SNX6: variants seen among roughly 807,000 people sequenced by gnomAD.
SNX6 encodes the protein sorting nexin-6.
A neutral mutation model predicts 63.0 loss-of-function variants in SNX6; 34 were observed. The ratio of observed to expected loss-of-function variants is 0.54; its 90% CI spans 0.41 to 0.72. The LOEUF (loss-of-function observed/expected upper bound fraction) is 0.72, where lower values mean the gene tolerates loss of function less well. SNX6 is among the 30% of genes least tolerant of loss of function. The probability of loss-of-function intolerance (pLI) is 0.00; values close to 1 mark genes in which losing one functional copy is unlikely to be tolerated. For synonymous variants in SNX6, 170 were observed against 164.2 expected, an observed-to-expected ratio of 1.04 and a Z score of -0.27; for missense variants, 398 against 471.4, an observed-to-expected ratio of 0.84 and a Z score of 1.44.
At chr14:34,629,775 G>A in intron 2 of SNX6, 132 bp downstream of exon 2, 6 of 1,382,162 alleles carry the variant, frequency 4.3e-6, no homozygotes, top group Middle Eastern at 5.0e-4. Context: ...GCGGTGCAGC[G>A]AGGAAACCGA....
At position 34,628,453 on chromosome 14, in the gene SNX6, C is replaced by T. The variant is rs190381421; in HGVS notation, c.54+1454G>A. Among the ~76,000 whole-genome samples the T allele has an allele frequency of 2.3e-4, 35 of 152,050 alleles. 1 individual carries two copies. The highest frequency in any genetic ancestry group is 2.0e-3 in the Admixed American group (31 of 15,232). On this transcript the variant is annotated intron_variant, in intron 2 of 13. Coordinates refer to ENST00000362031, the MANE Select transcript of SNX6 (RefSeq NM_152233.4). ...CAGTCTGGGTGACAGAGCAAGACTC[C>T]GTCTCAAAAAGCCAACAAACAAAAA...
chr14:34,630,145 G>A lies in SNX6; in HGVS notation c.-29C>T. 2 of 1,304,150 alleles carry A rather than the reference G, an allele frequency of 1.5e-6. No homozygotes were observed. Among genetic ancestry groups the A allele is most frequent in the African/African-American group, 1.5e-5 (1 of 64,716 alleles). The allele number at this position is 1,304,150 out of a possible 1,614,324, so 80.8% of individuals were successfully genotyped here. A position where few individuals can be genotyped will look rare whatever the true frequency, so the allele number is the denominator to read the frequency against. On this transcript the variant is annotated 5_prime_UTR_variant, in exon 1 of 14. Transcript: ENST00000362031. Reference sequence around the variant, plus strand: ...TGCTCCGAGGCGAGGGCCGGCGCAGGCGCGCATCTCCCTGCTGCCGGAGGG... The same window carrying A: ...TGCTCCGAGGCGAGGGCCGGCGCAGACGCGCATCTCCCTGCTGCCGGAGGG...
rs368418957 is a variant in SNX6, at chr14:34,563,571, AT to A, written c.1168-397del. 1.8e-4 allele frequency among the ~76,000 whole-genome samples: 26 copies of A among 147,316 alleles called. 2 individuals carry two copies. Among genetic ancestry groups the A allele is most frequent in the African/African-American group, 3.8e-4 (14 of 37,112 alleles). The stretch of plus-strand genomic sequence containing the variant: ...GAGACTGCGTCTCAAAAAAAAAAAA[AT>A]AAGAAAAAAAAAATATAGTGTTAGA... On this transcript the variant is annotated intron_variant, in intron 13 of 13. Transcript: ENST00000362031.
At chr14:34,581,622 T>C (rs752729111) in intron 9 of SNX6, 22 bp from the exon 10 acceptor site, 2 of 1,415,842 alleles carry the variant, frequency 1.4e-6, no homozygotes, top group Non-Finnish European at 2.0e-6. Flanking sequence ...AATATTTTCA[T>C]CATATTCTAC....
chr14:34,606,129 G>A (rs1279832407), intron 4 of SNX6, among the ~76,000 whole-genome samples: 4 of 150,648 alleles, frequency 2.7e-5, no homozygotes, highest in Non-Finnish European at 5.9e-5. Context: ...AGCCAAAATC[G>A]CACCGCTGCA....
At chr14:34,601,113 A>G (rs1882795068) in intron 6 of SNX6, among the ~76,000 whole-genome samples, 1 of 152,152 alleles carries the variant, frequency 6.6e-6, no homozygotes, top group South Asian at 2.1e-4. Context: ...AATTTACCCG[A>G]ATCTGGAATT....
At chr14:34,568,094 C>A (rs987477891) in intron 11 of SNX6, 81 bp from the exon 12 acceptor site, 11 of 1,198,338 alleles carry the variant, frequency 9.2e-6, no homozygotes, top group African/African-American at 1.5e-5. Flanking sequence ...TCACCACCAC[C>A]ACAACCATCA....
At chr14:34,584,538 C>T (rs964692974) in intron 9 of SNX6, among the ~76,000 whole-genome samples, 6 of 151,808 alleles carry the variant, frequency 4.0e-5, no homozygotes, top group African/African-American at 7.3e-5. Flanking sequence ...TTCCGGGGGG[C>T]GGGTGGCAGA....
intron 2 of SNX6, among the ~76,000 whole-genome samples, chr14:34,629,122 A>G (rs1019500077): frequency 1.4e-5 from 2 of 143,714 alleles, no homozygotes; most frequent in African/African-American, 4.9e-5. Context: ...ATTTGCTTAG[A>G]TCTCAAATGT....
At position 34,575,858 on chromosome 14, in the gene SNX6, A is replaced by G. The variant is rs746800211; in HGVS notation, c.835-16T>C. On this transcript the variant is annotated splice_polypyrimidine_tract_variant and intron_variant, in intron 10 of 13. Coordinates refer to ENST00000362031, the MANE Select transcript of SNX6 (RefSeq NM_152233.4). ...CTTCTATTTTCTGAAAAGAAGGAAAAAATTGAATATTTAATCAACAACTAC... is the reference window on the plus strand; with the variant it reads ...CTTCTATTTTCTGAAAAGAAGGAAAGAATTGAATATTTAATCAACAACTAC... The G allele has an allele frequency of 6.8e-7, 1 of 1,469,276 alleles. No homozygotes were observed. Among genetic ancestry groups the G allele is most frequent in the Admixed American group, 1.9e-5 (1 of 51,790 alleles). The allele number at this position is 1,469,276 out of a possible 1,614,324, so 91.0% of individuals were successfully genotyped here.
At chr14:34,579,634 T>C (rs1881857394) in intron 10 of SNX6, among the ~76,000 whole-genome samples, 1 of 151,936 alleles carries the variant, frequency 6.6e-6, no homozygotes, top group Admixed American at 6.6e-5. Context: ...AGGAACTACA[T>C]CTATGTGCAA....
At chr14:34,594,679 G>A (rs1157109838) in intron 7 of SNX6, among the ~76,000 whole-genome samples, 1 of 152,000 alleles carries the variant, frequency 6.6e-6, no homozygotes, top group Non-Finnish European at 1.5e-5. Flanking sequence ...AAAATTAATA[G>A]TATTTTACCC....
At chr14:34,608,488 C>A (rs1050148961) in intron 3 of SNX6, among the ~76,000 whole-genome samples, 1 of 152,206 alleles carries the variant, frequency 6.6e-6, no homozygotes, top group Non-Finnish European at 1.5e-5. Context: ...TAAATATTTT[C>A]TATCATTTAA....
chr14:34,585,829 G>A (rs1279697310), intron 9 of SNX6, among the ~76,000 whole-genome samples: 2 of 151,836 alleles, frequency 1.3e-5, no homozygotes, highest in Admixed American at 1.3e-4. Flanking sequence ...CTTGAACTCC[G>A]GACCTCAGGT....
intron 9 of SNX6, among the ~76,000 whole-genome samples, chr14:34,582,392 A>T (rs899174466): frequency 6.6e-6 from 1 of 152,044 alleles, no homozygotes; most frequent in Admixed American, 6.6e-5. Context: ...TCGGGAGGCT[A>T]AGGTGAAAGG....
chr14:34,576,061 C>T (rs1212682083), intron 10 of SNX6, among the ~76,000 whole-genome samples: 2 of 151,066 alleles, frequency 1.3e-5, no homozygotes, highest in African/African-American at 2.4e-5. Context: ...GCAGCTGGGA[C>T]TACAGGCGCC....
At chr14:34,606,721 C>G (rs1883036695) in intron 4 of SNX6, among the ~76,000 whole-genome samples, 1 of 150,710 alleles carries the variant, frequency 6.6e-6, no homozygotes, top group Admixed American at 6.6e-5. Flanking sequence ...CAGCCACAGG[C>G]GTCAGCCACC....
At chr14:34,581,036 T>C (rs1024532977) in intron 10 of SNX6, among the ~76,000 whole-genome samples, 3 of 152,200 alleles carry the variant, frequency 2.0e-5, no homozygotes, top group Admixed American at 6.5e-5. Flanking sequence ...GGAATCCAAA[T>C]CTGTTTCATC....
At chr14:34,619,874 T>C (rs1883560783) in intron 2 of SNX6, among the ~76,000 whole-genome samples, 1 of 150,884 alleles carries the variant, frequency 6.6e-6, no homozygotes, top group African/African-American at 2.5e-5. Context: ...CTACTTATCT[T>C]TTATTTATTT....
Sources: gnomAD v4.1 joint callset for allele counts (sites outside exome capture counted in the v4.1 genomes callset) on GRCh38, gnomAD v4.1.1 for gene constraint, MANE v1.5 for transcripts, NCBI Gene and HGNC (gene_info 2026-07-23, HGNC 2026-07-21) for gene names.